GAB1: variants seen among roughly 807,000 people sequenced by gnomAD.
The protein encoded by GAB1 is GRB2 associated binding protein 1.
Under a neutral mutation model 66.5 loss-of-function variants are expected in GAB1, and 19 were observed. That is an observed-to-expected ratio of 0.29 (90% CI 0.20 to 0.42). GAB1 has a LOEUF of 0.42. Ranked by LOEUF, GAB1 falls within the 10% of genes least tolerant of loss-of-function variation. The probability of loss-of-function intolerance (pLI) is 1.00; values close to 1 mark genes in which losing one functional copy is unlikely to be tolerated. For synonymous variants in GAB1, 294 were observed against 301.4 expected (o/e 0.98, Z 0.25); for missense variants, 732 against 858.5 (o/e 0.85, Z 1.84).
chr4:143,389,904 C>G (rs926801227), intron 1 of GAB1, among the ~76,000 whole-genome samples: 2 of 152,164 alleles, frequency 1.3e-5, no homozygotes, highest in Admixed American at 1.3e-4. Context: ...CTGCCAGCCC[C>G]CTTCAATACA....
intron 2 of GAB1, among the ~76,000 whole-genome samples, chr4:143,431,855 A>T (rs948366410): frequency 2.0e-5 from 3 of 152,200 alleles, no homozygotes; most frequent in African/African-American, 7.2e-5. Flanking sequence ...GCCCAACCTC[A>T]CAAATCCTTT....
At chr4:143,415,314 T>C (rs1179676179) in intron 1 of GAB1, among the ~76,000 whole-genome samples, 163 bp from the exon 2 acceptor site, 1 of 152,194 alleles carries the variant, frequency 6.6e-6, no homozygotes, top group Admixed American at 6.5e-5. Flanking sequence ...ACGTTGCTTT[T>C]CAGAGTGGCA....
At chr4:143,454,160 T>G (rs952354180) in intron 6 of GAB1, among the ~76,000 whole-genome samples, 9 of 152,238 alleles carry the variant, frequency 5.9e-5, no homozygotes, top group Non-Finnish European at 1.2e-4. Flanking sequence ...AAGAGAAGAA[T>G]GTGTTGTAAA....
intron 3 of GAB1, chr4:143,434,092 G>C (rs1404312688): frequency 1.5e-6 from 2 of 1,294,204 alleles, no homozygotes; most frequent in South Asian, 2.5e-5. Context: ...AACCAGCCAA[G>C]GGTCATCTTT....
intron 1 of GAB1, among the ~76,000 whole-genome samples, chr4:143,350,838 G>A (rs1367822285): frequency 6.6e-6 from 1 of 152,108 alleles, no homozygotes; most frequent in African/African-American, 2.4e-5. Context: ...TGACTACTAC[G>A]CACATTTCTT....
intron 9 of GAB1, among the ~76,000 whole-genome samples, chr4:143,468,208 C>CTTTTTTTTTT (rs780138131): frequency 7.1e-5 from 5 of 70,056 alleles, no homozygotes; most frequent in East Asian, 4.8e-4. Flanking sequence ...AGTTTGAATT[C>CTTTTTTTTTT]TTTTTTTTTT....
chr4:143,425,172 A>C lies in GAB1; in HGVS notation c.368-8319A>C, dbSNP rs562796953. Reference sequence around the variant, plus strand: ...GATGGAATAGTACATCTCTAAAAGGAAAAGTGATGGCATCTACATTATAAA... The same window carrying C: ...GATGGAATAGTACATCTCTAAAAGGCAAAGTGATGGCATCTACATTATAAA... On this transcript the variant is annotated intron_variant, in intron 2 of 9. Transcript: ENST00000262994. The C allele has an allele frequency of 1.8e-5, 15 of 827,664 alleles. No homozygotes were observed. In the East Asian group the frequency reaches 3.4e-4, roughly 19 times the overall value. The allele number at this position is 827,664 out of a possible 1,614,324, so 51.3% of individuals were successfully genotyped here.
chr4:143,457,468 A>G (rs1312751753), intron 6 of GAB1, among the ~76,000 whole-genome samples: 1 of 152,146 alleles, frequency 6.6e-6, no homozygotes, highest in Non-Finnish European at 1.5e-5. Context: ...ACATTGTTGC[A>G]TGTAAATTCC....
In GAB1 at chr4:143,364,798, AGTT is replaced by A. The variant is rs375299332; in HGVS notation, c.72+27540_72+27542del. On this transcript the variant is annotated intron_variant, in intron 1 of 9. Coordinates refer to ENST00000262994, the MANE Select transcript of GAB1 (RefSeq NM_002039.4). ...ATGCCAGTCAACTCTGGCCTGCACTAGTTGGCATCGAGATCTGTGAAAAGGAGT... is the reference window on the plus strand; with the variant it reads ...ATGCCAGTCAACTCTGGCCTGCACTAGGCATCGAGATCTGTGAAAAGGAGT... Among the ~76,000 whole-genome samples the A allele has an allele frequency of 4.2e-3, 634 of 150,256 alleles. 2 individuals are homozygous for A. The highest frequency in any genetic ancestry group is 0.028 in the Middle Eastern group (8 of 286).
chr4:143,348,163 CAT>C (rs1439947664), intron 1 of GAB1, among the ~76,000 whole-genome samples: 1 of 152,220 alleles, frequency 6.6e-6, no homozygotes, highest in Non-Finnish European at 1.5e-5. Context: ...TATACACAAA[CAT>C]TATTATAATC....
intron 1 of GAB1, among the ~76,000 whole-genome samples, chr4:143,387,179 T>A (rs147656385): frequency 6.6e-6 from 1 of 152,222 alleles, no homozygotes; most frequent in Non-Finnish European, 1.5e-5. Context: ...TTGCCCAGAC[T>A]GGAATGCAAT....
chr4:143,438,254 A>T lies in GAB1; in HGVS notation c.849A>T (p.Glu283Asp), dbSNP rs1161150883. Residue 283 changes from glutamate to aspartate, a missense_variant, in exon 4 of 10, where the codon GAA becomes GAT. Glu to Asp is a conservative substitution (Grantham distance 45). Transcript: ENST00000262994. ...VSPSSTEADG[E>D]LYVFNTPSGT... ...CATCAAGTACTGAAGCAGATGGAGA[A>T]CTCTATGTTTTTAATACCCCATCTG... The T allele has an allele frequency of 1.9e-6, 3 of 1,613,982 alleles. No homozygotes were observed. In the Admixed American group the frequency reaches 5.0e-5, roughly 27 times the overall value.
intron 1 of GAB1, chr4:143,395,474 G>A (rs11100788): frequency 0.5 from 78,209 of 155,144 alleles, 20,740 homozygotes; most frequent in African/African-American, 0.67. Flanking sequence ...ATTTGAATGA[G>A]TTCTATCTAA....
intron 1 of GAB1, chr4:143,396,079 A>G: frequency 2.5e-5 from 11 of 437,980 alleles, no homozygotes; most frequent in South Asian, 1.5e-4. Flanking sequence ...AAAGTTGAAG[A>G]TCTGATAAAG....
rs1027707782 is a variant in GAB1, at chr4:143,396,120, A to C, written c.73-19357A>C. The C allele has an allele frequency of 7.7e-6, 3 of 389,058 alleles. No individual in the cohort carries two copies. In the Admixed American group the frequency reaches 8.6e-5, roughly 11 times the overall value. The allele number at this position is 389,058 out of a possible 1,614,324, so 24.1% of individuals were successfully genotyped here. On this transcript the variant is annotated intron_variant, in intron 1 of 9. Transcript: ENST00000262994. The stretch of plus-strand genomic sequence containing the variant: ...TGGTGAGGTGAAGAAAGGAGAATCC[A>C]CTAAAACTTGACCCTAGGAGCATTC...
At chr4:143,349,689 G>A in intron 1 of GAB1, 1 of 1,536,102 alleles carries the variant, frequency 6.5e-7, no homozygotes, top group South Asian at 1.1e-5. Flanking sequence ...GCTTGGCCAG[G>A]ATGATGGCCC....
chr4:143,347,526 T>C (rs1309113623), intron 1 of GAB1, among the ~76,000 whole-genome samples: 2 of 152,250 alleles, frequency 1.3e-5, no homozygotes, highest in African/African-American at 4.8e-5. Context: ...AGTTGTTCTG[T>C]TGGGGTCCAT....
intron 1 of GAB1, among the ~76,000 whole-genome samples, chr4:143,380,200 C>G (rs1188465516): frequency 6.6e-6 from 1 of 151,576 alleles, no homozygotes; most frequent in Non-Finnish European, 1.5e-5. Context: ...TCTTGAAACC[C>G]TGTTATTTTT....
intron 1 of GAB1, among the ~76,000 whole-genome samples, chr4:143,354,595 T>TA (rs1172643783): frequency 6.6e-6 from 1 of 152,036 alleles, no homozygotes; most frequent in Admixed American, 6.6e-5. Flanking sequence ...GTGTTTCTTT[T>TA]AAAAAAAACT....
Sources: gnomAD v4.1 joint callset for allele counts (sites outside exome capture counted in the v4.1 genomes callset) on GRCh38, gnomAD v4.1.1 for gene constraint, MANE v1.5 for transcripts, NCBI Gene and HGNC (gene_info 2026-07-23, HGNC 2026-07-21) for gene names.